EPAS1: variants seen among roughly 807,000 people sequenced by gnomAD.
EPAS1 encodes endothelial PAS domain-containing protein 1.
EPAS1 carries 23 observed loss-of-function variants against 87.9 expected under a neutral mutation model. The observed-to-expected ratio is 0.26, with a 90% CI of 0.19 to 0.37. EPAS1 has a LOEUF of 0.37. Ranked by LOEUF, EPAS1 falls within the 10% of genes least tolerant of loss-of-function variation. EPAS1 has a pLI of 1.00. For missense variants in EPAS1, 1,138 were observed against 1,120.7 expected, an observed-to-expected ratio of 1.02 and a Z score of -0.22; for synonymous variants, 508 against 444.3, an observed-to-expected ratio of 1.14 and a Z score of -1.80.
intron 6 of EPAS1, 51 bp from the exon 7 acceptor site, chr2:46,369,776 C>T (rs761536798): frequency 7.2e-7 from 1 of 1,397,056 alleles, no homozygotes; most frequent in Non-Finnish European, 1.0e-6. Context: ...ACATGCTGTG[C>T]TAAGTTAATA....
At chr2:46,332,544 A>G (rs879443606) in intron 1 of EPAS1, among the ~76,000 whole-genome samples, 103 of 152,218 alleles carry the variant, frequency 6.8e-4, no homozygotes, top group African/African-American at 2.4e-3. Flanking sequence ...GCGGAGGAGT[A>G]GAGTAGAGTG....
intron 1 of EPAS1, among the ~76,000 whole-genome samples, chr2:46,302,110 C>T (rs1332156417): frequency 1.0e-5 from 1 of 96,256 alleles, no homozygotes; most frequent in Non-Finnish European, 2.2e-5. Context: ...GAATGTCCCT[C>T]TTTCTCTCTG....
chr2:46,372,282 A>G (rs923155888), intron 7 of EPAS1, among the ~76,000 whole-genome samples: 33 of 152,296 alleles, frequency 2.2e-4, no homozygotes, highest in African/African-American at 7.5e-4. Context: ...CAGTTATGAC[A>G]CGAGCTTGCC....
chr2:46,380,398 C>T lies in EPAS1; in HGVS notation c.1726C>T (p.Pro576Ser). ...GACAAACATCTTCCAGCCACTGGCC[C>T]CTGTAGCCCCGCACAGTCCCTTCCT... is the stretch of plus-strand genomic sequence containing the variant. ...AMTNIFQPLA[P>S]VAPHSPFLLD... The change falls in exon 12 of 16, where the codon CCT becomes TCT. Residue 576 changes from proline to serine, a missense_variant. Physicochemically the swap from Pro to Ser is moderately conservative, Grantham distance 74. Transcript: ENST00000263734. This position sits in a 1 kb window ranked among gnomAD's most constrained non-coding sequence, Gnocchi z 4.4. 1 of 1,614,170 alleles carries T rather than the reference C, an allele frequency of 6.2e-7. No individual in the cohort carries two copies. Among genetic ancestry groups the T allele is most frequent in the Non-Finnish European group, 8.5e-7 (1 of 1,180,024 alleles).
At chr2:46,337,612 T>TG (rs1471524193) in intron 1 of EPAS1, among the ~76,000 whole-genome samples, 3 of 152,164 alleles carry the variant, frequency 2.0e-5, no homozygotes, top group Non-Finnish European at 4.4e-5. Context: ...AGGAACAGGA[T>TG]GGCAGCACAG....
In EPAS1 at chr2:46,356,320, C is replaced by G; in HGVS notation, c.369+18C>G. 6.2e-7 allele frequency: 1 copy of G among 1,614,120 alleles called. No individual in the cohort carries two copies. Among genetic ancestry groups the G allele is most frequent in the South Asian group, 1.1e-5 (1 of 91,078 alleles). ...TTACACAGGTGACACCCTCCTCTAT[C>G]TCTTTCAAAAGAAGAAATGTTTCCA... On this transcript the variant is annotated intron_variant, in intron 3 of 15. Coordinates refer to ENST00000263734, the MANE Select transcript of EPAS1 (RefSeq NM_001430.5).
At position 46,356,275 on chromosome 2, in the gene EPAS1, C is replaced by T. The variant is rs1262540134; in HGVS notation, c.342C>T (p.Asn114=). 8.1e-6 allele frequency: 13 copies of T among 1,614,200 alleles called. No individual in the cohort carries two copies. The highest frequency in any genetic ancestry group is 1.7e-5 in the Admixed American group (1 of 60,024). ...GCGACATGATCTTTCTGTCAGAAAA[C>T]ATCAGCAAGTTCATGGGACTTACAC... ...QDGDMIFLSE[N]ISKFMGLTQV... The change falls in exon 3 of 16, where the codon AAC becomes AAT. Residue 114 remains asparagine, a synonymous_variant. Coordinates refer to ENST00000263734, the MANE Select transcript of EPAS1 (RefSeq NM_001430.5).
chr2:46,379,480 C>A (rs980948136), intron 11 of EPAS1, among the ~76,000 whole-genome samples: 1 of 152,182 alleles, frequency 6.6e-6, no homozygotes, highest in Non-Finnish European at 1.5e-5. Context: ...CCCTCCTCAG[C>A]ACTCCTGTAG....
chr2:46,382,136 G>A (rs1329062974), intron 14 of EPAS1, 47 bp downstream of exon 14: 2 of 1,567,816 alleles, frequency 1.3e-6, no homozygotes, highest in Non-Finnish European at 1.7e-6. Context: ...TCTGGTGGAA[G>A]GACTGGGGCT....
At chr2:46,339,058 T>C (rs1056867035) in intron 1 of EPAS1, among the ~76,000 whole-genome samples, 1 of 152,176 alleles carries the variant, frequency 6.6e-6, no homozygotes, top group African/African-American at 2.4e-5. Context: ...AGCTAAAAAT[T>C]AGAAACCATA....
intron 2 of EPAS1, among the ~76,000 whole-genome samples, chr2:46,353,845 G>A (rs921734934): frequency 6.6e-6 from 1 of 152,234 alleles, no homozygotes; most frequent in Non-Finnish European, 1.5e-5. Context: ...GTGTGCAGAG[G>A]AAAGAATTTC....
intron 1 of EPAS1, among the ~76,000 whole-genome samples, chr2:46,320,209 G>C (rs1558586054): frequency 6.6e-6 from 1 of 152,156 alleles, no homozygotes; most frequent in South Asian, 2.1e-4. Context: ...ACTAATTGTT[G>C]CCTGCTTTTC....
At chr2:46,368,096 T>A (rs951277844) in intron 6 of EPAS1, among the ~76,000 whole-genome samples, 5 of 152,196 alleles carry the variant, frequency 3.3e-5, no homozygotes, top group African/African-American at 1.2e-4. Context: ...GCACCCGTTA[T>A]AGAGGAAGCA....
intron 1 of EPAS1, among the ~76,000 whole-genome samples, chr2:46,344,835 C>T (rs995447379): frequency 2.0e-5 from 3 of 152,210 alleles, no homozygotes; most frequent in East Asian, 1.9e-4. Context: ...AGCTGTTGGA[C>T]GATTCATCCT....
At chr2:46,341,110 T>C (rs959086455) in intron 1 of EPAS1, among the ~76,000 whole-genome samples, 1 of 152,250 alleles carries the variant, frequency 6.6e-6, no homozygotes, top group Admixed American at 6.5e-5. Context: ...GACATCAGAA[T>C]GTACCTAGAA....
rs1684630512 is a variant in EPAS1 at position 46,371,743 on chromosome 2, C to G, written c.886+1810C>G. On this transcript the variant is annotated intron_variant, in intron 7 of 15. Transcript: ENST00000263734. The surrounding 1 kb of genome is among the most constrained non-coding windows in gnomAD (Gnocchi z 4.3). Reference sequence around the variant, plus strand: ...CGGCCCAGGCTCTGGCCCAGCCGACCCACTGATTCCCTAGGGCCTGGATTT... The same window carrying G: ...CGGCCCAGGCTCTGGCCCAGCCGACGCACTGATTCCCTAGGGCCTGGATTT... Among the ~76,000 whole-genome samples the G allele has an allele frequency of 1.3e-5, 2 of 152,202 alleles. No homozygotes were observed. Among genetic ancestry groups the G allele is most frequent in the African/African-American group, 2.4e-5 (1 of 41,444 alleles).
chr2:46,312,397 G>T (rs1403368213), intron 1 of EPAS1, among the ~76,000 whole-genome samples: 1 of 152,126 alleles, frequency 6.6e-6, no homozygotes, highest in African/African-American at 2.4e-5. Flanking sequence ...AGACATATTT[G>T]CTGCTTTCTC....
intron 3 of EPAS1, 83 bp downstream of exon 3, chr2:46,356,385 C>T: frequency 1.3e-6 from 2 of 1,559,540 alleles, no homozygotes; most frequent in Non-Finnish European, 1.8e-6. Context: ...AGCCACAATC[C>T]CACTTGACCT....
chr2:46,377,709 G>A (rs999177887), intron 9 of EPAS1, among the ~76,000 whole-genome samples, 185 bp from the exon 10 acceptor site: 2 of 152,168 alleles, frequency 1.3e-5, no homozygotes, highest in Non-Finnish European at 1.5e-5. Flanking sequence ...GAGTCTCTAC[G>A]TTGACTCATA....
Sources: gnomAD v4.1 joint callset for allele counts (sites outside exome capture counted in the v4.1 genomes callset) on GRCh38, gnomAD v4.1.1 for gene constraint, Gnocchi (gnomAD v3.1) non-coding constraint, MANE v1.5 for transcripts, NCBI Gene and HGNC (gene_info 2026-07-23, HGNC 2026-07-21) for gene names.